RSL1D1: variants seen among roughly 807,000 people sequenced by gnomAD.
The protein encoded by RSL1D1 is ribosomal L1 domain-containing protein 1.
A neutral mutation model predicts 44.6 loss-of-function variants in RSL1D1; 34 were observed. The observed-to-expected ratio is 0.76, with a 90% CI of 0.58 to 1.02. The LOEUF is 1.02. Ranked by LOEUF, RSL1D1 falls within the 50% of genes least tolerant of loss-of-function variation. RSL1D1 has a pLI of 0.00. For missense variants in RSL1D1, 767 were observed against 568.1 expected, an observed-to-expected ratio of 1.35 and a Z score of -3.56; for synonymous variants, 271 against 207.4, an observed-to-expected ratio of 1.31 and a Z score of -2.63.
intron 5 of RSL1D1, among the ~76,000 whole-genome samples, chr16:11,842,278 C>T (rs1268125540): frequency 1.3e-5 from 2 of 151,624 alleles, no homozygotes; most frequent in Non-Finnish European, 2.9e-5. Flanking sequence ...ATACAGTGAG[C>T]CCAGATCTGG....
At chr16:11,850,999 C>A (rs1457474956) in intron 1 of RSL1D1, 1 of 286,668 alleles carries the variant, frequency 3.5e-6, no homozygotes, top group Non-Finnish European at 6.8e-6. Context: ...CTACTGAGCA[C>A]CTTCTTACCA....
rs752343918 is a variant in RSL1D1, at chr16:11,851,488, G to GCGAGGC, written c.19_24dup (p.Ala7_Ser8dup). 75 of 1,613,970 alleles carry GCGAGGC rather than the reference G, an allele frequency of 4.6e-5. No homozygotes were observed. Among genetic ancestry groups the GCGAGGC allele is most frequent in the Admixed American group, 2.8e-4 (17 of 60,024 alleles). ...GTTCCAGTAGCGGCTGCAGAAGACA[G>GCGAGGC]CGAGGCCGAGGCCGAATCCTCCATC... On this transcript the variant is annotated inframe_insertion, in exon 1 of 9. Coordinates refer to ENST00000571133, the MANE Select transcript of RSL1D1 (RefSeq NM_015659.3).
chr16:11,839,381 CAA>C (rs35893843), intron 8 of RSL1D1, among the ~76,000 whole-genome samples: 7,614 of 116,600 alleles, frequency 0.065, 441 homozygotes, highest in African/African-American at 0.17. Flanking sequence ...AAAAGCAAAG[CAA>C]AAAAAAAAAA....
At chr16:11,845,217 CCAGGA>C in intron 5 of RSL1D1, among the ~76,000 whole-genome samples, 1 of 152,222 alleles carries the variant, frequency 6.6e-6, no homozygotes, top group East Asian at 1.9e-4. Flanking sequence ...CTTTTGGAGG[CCAGGA>C]CAGGAGGACC....
intron 1 of RSL1D1, 132 bp downstream of exon 1, chr16:11,851,276 C>T: frequency 1.2e-6 from 1 of 836,784 alleles, no homozygotes; most frequent in Admixed American, 1.8e-5. Context: ...ACAGCTGAGG[C>T]ACACGGCCCG....
intron 7 of RSL1D1, among the ~76,000 whole-genome samples, chr16:11,840,364 G>A (rs991832865): frequency 5.3e-5 from 8 of 152,140 alleles, no homozygotes; most frequent in Non-Finnish European, 8.8e-5. Context: ...TCAGGACTTC[G>A]AGATCAGCCT....
chr16:11,844,175 T>C (rs567247194), intron 5 of RSL1D1, among the ~76,000 whole-genome samples: 1 of 152,088 alleles, frequency 6.6e-6, no homozygotes, highest in South Asian at 2.1e-4. Flanking sequence ...CACCTGAGCA[T>C]CCCAGATGGA....
intron 8 of RSL1D1, 84 bp from the exon 9 acceptor site, chr16:11,838,197 A>G (rs1226617509): frequency 1.7e-6 from 2 of 1,162,770 alleles, no homozygotes; most frequent in Non-Finnish European, 2.4e-6. Context: ...TTTTATTTGT[A>G]TTTATTTATT....
chr16:11,850,790 G>A (rs1162228085), intron 1 of RSL1D1, among the ~76,000 whole-genome samples: 1 of 152,172 alleles, frequency 6.6e-6, no homozygotes, highest in East Asian at 1.9e-4. Flanking sequence ...GAGAACTCCT[G>A]GCAATTCTCC....
intron 5 of RSL1D1, among the ~76,000 whole-genome samples, chr16:11,842,807 G>A (rs930646704): frequency 9.2e-5 from 14 of 151,680 alleles, no homozygotes; most frequent in African/African-American, 3.4e-4. Flanking sequence ...CCAGGCTGAA[G>A]TGCAGTGACG....
chr16:11,846,190 AGATCATC>A (rs1188654590), intron 5 of RSL1D1, among the ~76,000 whole-genome samples: 6 of 151,594 alleles, frequency 4.0e-5, no homozygotes, highest in Non-Finnish European at 8.8e-5. Context: ...CAGGAGATCG[AGATCATC>A]CTGGCTAACT....
chr16:11,851,065 G>T, intron 1 of RSL1D1: 1 of 377,384 alleles, frequency 2.6e-6, no homozygotes, highest in Non-Finnish European at 5.1e-6. Context: ...GGATAACGGG[G>T]AGCCGAAGGG....
chr16:11,847,574 A>C (rs778628277), intron 3 of RSL1D1, 94 bp downstream of exon 3: 1 of 1,092,840 alleles, frequency 9.2e-7, no homozygotes, highest in Non-Finnish European at 1.3e-6. Context: ...AAAGTAGAAG[A>C]AAAATACTAG....
chr16:11,843,388 G>C (rs1020935830), intron 5 of RSL1D1, among the ~76,000 whole-genome samples: 1 of 151,846 alleles, frequency 6.6e-6, no homozygotes, highest in Non-Finnish European at 1.5e-5. Flanking sequence ...TGATTAAAGA[G>C]CTGGTAGCAC....
chr16:11,834,591 C>A lies in RSL1D1; in HGVS notation c.*3196G>T, dbSNP rs1303655787. 6.6e-6 allele frequency: 1 copy of A among 152,172 alleles called. No homozygotes were observed. Among genetic ancestry groups the A allele is most frequent in the Non-Finnish European group, 1.5e-5 (1 of 68,034 alleles). 9.4% of individuals were successfully genotyped at this position (152,172 alleles called of 1,614,324 possible). A position where few individuals can be genotyped will look rare whatever the true frequency, so the allele number is the denominator to read the frequency against. The stretch of plus-strand genomic sequence containing the variant: ...TGCAGAGAACAGACTGGCACGATTA[C>A]ATATGTGGGTTTGTCCTACACAAAC... On this transcript the variant is annotated 3_prime_UTR_variant, in exon 9 of 9. Coordinates refer to ENST00000571133, the MANE Select transcript of RSL1D1 (RefSeq NM_015659.3).
Position 11,835,019 on chromosome 16 carries a change from G to C in RSL1D1, c.*2768C>G, listed in dbSNP as rs1390846583. The C allele has an allele frequency of 6.6e-6, 1 of 152,274 alleles. No homozygotes were observed. The highest frequency in any genetic ancestry group is 1.5e-5 in the Non-Finnish European group (1 of 68,168). 9.4% of individuals were successfully genotyped at this position (152,274 alleles called of 1,614,324 possible). ...TGAGCTACTTGGGAGGCTGAGGTGGGAAGATCGCCTTGAGCCCAGGAAATT... is the reference window on the plus strand; with the variant it reads ...TGAGCTACTTGGGAGGCTGAGGTGGCAAGATCGCCTTGAGCCCAGGAAATT... On this transcript the variant is annotated 3_prime_UTR_variant, in exon 9 of 9. Coordinates refer to ENST00000571133, the MANE Select transcript of RSL1D1 (RefSeq NM_015659.3).
chr16:11,847,356 C>G (rs1011120083), intron 3 of RSL1D1, among the ~76,000 whole-genome samples: 21 of 152,070 alleles, frequency 1.4e-4, no homozygotes, highest in African/African-American at 4.8e-4. Flanking sequence ...GCCTGGGCGA[C>G]AGAGCGAGAC....
chr16:11,846,832 G>T lies in RSL1D1; in HGVS notation c.396C>A (p.Leu132=), dbSNP rs199813385. The change falls in exon 4 of 9, where the codon CTC becomes CTA. Residue 132 remains leucine, a synonymous_variant. Transcript: ENST00000571133. ...ATTTATATTCCTTCTTTAGAGTTTG[G>T]AGGGAGATAATCTAGGAAGTATAGA... is the stretch of plus-strand genomic sequence containing the variant. ...GIKTVSQIIS[L]QTLKKEYKSY... The T allele has an allele frequency of 1.7e-5, 27 of 1,609,106 alleles. No homozygotes were observed. Among genetic ancestry groups the T allele is most frequent in the Admixed American group, 1.5e-4 (9 of 59,986 alleles).
At chr16:11,850,118 C>T (rs931888467) in intron 2 of RSL1D1, among the ~76,000 whole-genome samples, 161 bp downstream of exon 2, 3 of 152,226 alleles carry the variant, frequency 2.0e-5, no homozygotes, top group Non-Finnish European at 4.4e-5. Flanking sequence ...TGAGCCACCA[C>T]ATCAAGCCTC....
Sources: allele counts gnomAD v4.1 joint callset (sites outside exome capture counted in the v4.1 genomes callset), GRCh38; gene constraint gnomAD v4.1.1; transcripts MANE v1.5; gene names NCBI Gene and HGNC (gene_info 2026-07-23, HGNC 2026-07-21).